The following ELMO1 variants were observed in gnomAD, a reference collection of about 807,000 sequenced individuals.
ELMO1 encodes the protein engulfment and cell motility protein 1.
Under a neutral mutation model 98.9 loss-of-function variants are expected in ELMO1, and 26 were observed. The ratio of observed to expected loss-of-function variants is 0.26; its 90% CI spans 0.19 to 0.36. ELMO1 has a LOEUF of 0.36. Among genes scored for constraint, ELMO1 ranks in the 10% least tolerant of loss-of-function variants. The pLI, the probability that ELMO1 is intolerant of heterozygous loss-of-function variation, is 1.00. For synonymous variants in ELMO1, 346 were observed against 346.0 expected, an observed-to-expected ratio of 1.00 and a Z score of 0.00; for missense variants, 627 against 935.2, an observed-to-expected ratio of 0.67 and a Z score of 4.30.
At chr7:37,135,666 A>C (rs1787221757) in intron 13 of ELMO1, among the ~76,000 whole-genome samples, 1 of 152,206 alleles carries the variant, frequency 6.6e-6, no homozygotes, top group African/African-American at 2.4e-5. Flanking sequence ...CCACATTCCT[A>C]GGAGAAGGGG....
intron 1 of ELMO1, among the ~76,000 whole-genome samples, chr7:37,427,822 G>C (rs1326778913): frequency 6.6e-6 from 1 of 152,148 alleles, no homozygotes; most frequent in Non-Finnish European, 1.5e-5. Flanking sequence ...CCTACTTTAT[G>C]GCACATTCAC....
intron 1 of ELMO1, among the ~76,000 whole-genome samples, chr7:37,419,363 T>A (rs1367078431): frequency 6.6e-6 from 1 of 152,146 alleles, no homozygotes; most frequent in African/African-American, 2.4e-5. Flanking sequence ...TCTGGAAATG[T>A]CAATATATTC....
chr7:37,315,054 G>C lies in ELMO1; in HGVS notation c.120-132C>G, dbSNP rs114725111. On this transcript the variant is annotated intron_variant, in intron 3 of 21. Transcript: ENST00000310758. ...CAATCCCAACATATACCACAATGCAGTTCCTAAAGCAAAATGACTTTAGCC... is the reference window on the plus strand; with the variant it reads ...CAATCCCAACATATACCACAATGCACTTCCTAAAGCAAAATGACTTTAGCC... 6.2e-3 allele frequency: 4,488 copies of C among 719,856 alleles called. 93 individuals carry two copies. The highest frequency in any genetic ancestry group is 0.052 in the African/African-American group (2,925 of 55,964). 44.6% of individuals were successfully genotyped at this position (719,856 alleles called of 1,614,324 possible). A position where few individuals can be genotyped will look rare whatever the true frequency, so the allele number is the denominator to read the frequency against.
At chr7:37,379,046 CTT>C (rs59317031) in intron 1 of ELMO1, among the ~76,000 whole-genome samples, 15 of 147,858 alleles carry the variant, frequency 1.0e-4, no homozygotes, top group South Asian at 2.1e-4. Context: ...CATTCTTCTT[CTT>C]TTTTTTTTTT....
At chr7:37,375,797 C>G in intron 1 of ELMO1, 1 of 907,098 alleles carries the variant, frequency 1.1e-6, no homozygotes. Context: ...ACTGTGCCTG[C>G]CACTGTACAC....
At chr7:36,982,286 G>C (rs1791132439) in intron 16 of ELMO1, among the ~76,000 whole-genome samples, 1 of 152,110 alleles carries the variant, frequency 6.6e-6, no homozygotes, top group Non-Finnish European at 1.5e-5. Context: ...TAAAACACAT[G>C]TCATATTTCA....
intron 16 of ELMO1, among the ~76,000 whole-genome samples, chr7:36,906,702 G>T (rs1783988246): frequency 1.3e-5 from 2 of 151,976 alleles, no homozygotes; most frequent in African/African-American, 2.4e-5. Context: ...GGGGTGGGAG[G>T]ATCGCTTGAG....
In ELMO1 at chr7:37,097,614, A is replaced by G. The variant is rs113247401; in HGVS notation, c.1192-887T>C. Among the ~76,000 whole-genome samples, 1,100 of 151,932 alleles carry G rather than the reference A, an allele frequency of 7.2e-3. 15 individuals carry two copies. The highest frequency in any genetic ancestry group is 0.025 in the African/African-American group (1,031 of 41,340). On this transcript the variant is annotated intron_variant, in intron 14 of 21. Transcript: ENST00000310758. Reference sequence around the variant, plus strand: ...AGAAAGAAAGAGAGAAAGAGAAAAAAAAAGAAAGAAAGAAAGAAAGAAAAA... The same window carrying G: ...AGAAAGAAAGAGAGAAAGAGAAAAAGAAAGAAAGAAAGAAAGAAAGAAAAA...
chr7:37,420,468 T>C (rs9918554), intron 1 of ELMO1, among the ~76,000 whole-genome samples: 34,714 of 152,152 alleles, frequency 0.23, 4,199 homozygotes, highest in East Asian at 0.41. Context: ...CTCCACAAAA[T>C]GTGGATGGAT....
intron 10 of ELMO1, chr7:37,217,636 C>T (rs774399306): frequency 1.3e-5 from 6 of 451,764 alleles, no homozygotes; most frequent in Admixed American, 2.4e-5. Flanking sequence ...GGAGGGCATA[C>T]AAGCAGGGGT....
At chr7:37,022,809 C>G (rs1287539018) in intron 15 of ELMO1, among the ~76,000 whole-genome samples, 1 of 152,086 alleles carries the variant, frequency 6.6e-6, no homozygotes, top group African/African-American at 2.4e-5. Context: ...TTTGTTACAG[C>G]CAAAAACTTG....
intron 15 of ELMO1, among the ~76,000 whole-genome samples, chr7:37,029,490 C>G (rs534372939): frequency 1.3e-5 from 2 of 151,748 alleles, no homozygotes; most frequent in African/African-American, 4.8e-5. Context: ...CAAAACCAAA[C>G]CAAAACAACC....
chr7:37,232,637 T>C (rs1166166891), intron 8 of ELMO1, among the ~76,000 whole-genome samples: 3 of 152,202 alleles, frequency 2.0e-5, no homozygotes, highest in Non-Finnish European at 4.4e-5. Flanking sequence ...TCACTCTGCT[T>C]AAGACACATG....
intron 14 of ELMO1, among the ~76,000 whole-genome samples, chr7:37,128,871 T>G (rs1475636183): frequency 6.6e-6 from 1 of 152,096 alleles, no homozygotes. Flanking sequence ...ACATTTACAA[T>G]CAATTAGGGG....
At position 37,116,142 on chromosome 7, in the gene ELMO1, C is replaced by CGGAA. The variant is rs368037352; in HGVS notation, c.1191+16987_1191+16988insTTCC. Among the ~76,000 whole-genome samples the CGGAA allele has an allele frequency of 1.4e-3, 206 of 152,298 alleles. 1 individual carries two copies. Among genetic ancestry groups the CGGAA allele is most frequent in the African/African-American group, 4.6e-3 (193 of 41,570 alleles). ...AGAGAGGAGTCCCAGAAACCTTTCC[C>CGGAA]CTTCAAAGAAATAAGAAGTGAGCTG... On this transcript the variant is annotated intron_variant, in intron 14 of 21. Coordinates refer to ENST00000310758, the MANE Select transcript of ELMO1 (RefSeq NM_014800.11).
chr7:37,292,533 G>A (rs1392231485), intron 4 of ELMO1, among the ~76,000 whole-genome samples: 2 of 93,058 alleles, frequency 2.1e-5, no homozygotes, highest in Admixed American at 1.1e-4. Context: ...CATCACATCT[G>A]GGAAGTGAGG....
intron 1 of ELMO1, among the ~76,000 whole-genome samples, chr7:37,388,865 G>A (rs897508397): frequency 1.3e-5 from 2 of 152,180 alleles, no homozygotes; most frequent in Non-Finnish European, 2.9e-5. Flanking sequence ...CGTTCTGCAT[G>A]TCAACAAGAG....
At chr7:37,369,769 T>A (rs66461567) in intron 1 of ELMO1, among the ~76,000 whole-genome samples, 38,344 of 150,936 alleles carry the variant, frequency 0.25, 5,171 homozygotes, top group Non-Finnish European at 0.31. Flanking sequence ...AACAAAAAAA[T>A]TTTAATAAAA....
intron 15 of ELMO1, among the ~76,000 whole-genome samples, chr7:37,021,192 C>T (rs2129179243): frequency 6.6e-6 from 1 of 152,184 alleles, no homozygotes; most frequent in East Asian, 1.9e-4. Flanking sequence ...GGGTCAAGAA[C>T]TTGAAGTTCC....
Sources: gnomAD v4.1 joint callset for allele counts (sites outside exome capture counted in the v4.1 genomes callset) on GRCh38, gnomAD v4.1.1 for gene constraint, MANE v1.5 for transcripts, NCBI Gene and HGNC (gene_info 2026-07-23, HGNC 2026-07-21) for gene names.